The following PTPN14 variants were observed in gnomAD, a reference collection of about 807,000 sequenced individuals.
PTPN14 encodes protein tyrosine phosphatase non-receptor type 14.
PTPN14 carries 53 observed loss-of-function variants against 126.8 expected under a neutral mutation model. The observed-to-expected ratio is 0.42, with a 90% CI of 0.34 to 0.53. The LOEUF is 0.53. Ranked by LOEUF, PTPN14 falls within the 20% of genes least tolerant of loss-of-function variation. The pLI, the probability that PTPN14 is intolerant of heterozygous loss-of-function variation, is 0.08. For synonymous variants in PTPN14, 630 were observed against 599.3 expected (o/e 1.05, Z -0.75); for missense variants, 1,257 against 1,552.9 (o/e 0.81, Z 3.20).
chr1:214,388,077 A>C (rs1260374750), intron 11 of PTPN14, among the ~76,000 whole-genome samples: 2 of 152,216 alleles, frequency 1.3e-5, no homozygotes, highest in Non-Finnish European at 2.9e-5. Flanking sequence ...ATGCTGCGGA[A>C]GAGGGACAAG....
At position 214,471,035 on chromosome 1, in the gene PTPN14, A is replaced by C. The variant is rs528601724; in HGVS notation, c.-154-6078T>G. 5.4e-5 allele frequency among the ~76,000 whole-genome samples: 8 copies of C among 148,152 alleles called. No individual in the cohort carries two copies. The South Asian group carries it at 6.5e-4, about 12-fold the overall frequency. The stretch of plus-strand genomic sequence containing the variant: ...AGCAAAATTCCATCTCAAAAAAAAA[A>C]AAAACAAAACAAAAAAACAACTACA... On this transcript the variant is annotated intron_variant, in intron 1 of 18. Coordinates refer to ENST00000366956, the MANE Select transcript of PTPN14 (RefSeq NM_005401.5).
At chr1:214,443,667 A>C (rs1395168114) in intron 3 of PTPN14, among the ~76,000 whole-genome samples, 1 of 152,114 alleles carries the variant, frequency 6.6e-6, no homozygotes, top group Non-Finnish European at 1.5e-5. Context: ...GTCTAGCGCA[A>C]AGTGAAAATG....
At chr1:214,482,265 TA>T (rs1344635925) in intron 1 of PTPN14, among the ~76,000 whole-genome samples, 1 of 124,912 alleles carries the variant, frequency 8.0e-6, no homozygotes. Context: ...CAGAGGGTTG[TA>T]AAAAAAATTA....
chr1:214,536,161 CG>C (rs1057407698), intron 1 of PTPN14, among the ~76,000 whole-genome samples: 6 of 19,974 alleles, frequency 3.0e-4, no homozygotes, highest in African/African-American at 1.0e-3. Flanking sequence ...AGGCCAAGGC[CG>C]GGGTGGGGTG....
chr1:214,387,674 CA>C (rs67415818), intron 11 of PTPN14, among the ~76,000 whole-genome samples: 223 of 85,322 alleles, frequency 2.6e-3, no homozygotes, highest in Non-Finnish European at 2.8e-3. Flanking sequence ...AAGACTCCGT[CA>C]AAAAAAAAAA....
intron 1 of PTPN14, chr1:214,529,718 T>C (rs960710564): frequency 6.6e-6 from 1 of 152,178 alleles, no homozygotes; most frequent in Non-Finnish European, 1.5e-5. Context: ...ACCCCATCTC[T>C]ACTAAGAATA....
intron 7 of PTPN14, 72 bp downstream of exon 7, chr1:214,401,613 A>G (rs1224137795): frequency 3.0e-6 from 4 of 1,332,892 alleles, no homozygotes; most frequent in African/African-American, 1.5e-5. Context: ...GCCCACTGCT[A>G]TCAACAATGG....
intron 3 of PTPN14, among the ~76,000 whole-genome samples, chr1:214,448,812 G>A (rs938407855): frequency 6.6e-6 from 1 of 152,024 alleles, no homozygotes; most frequent in Non-Finnish European, 1.5e-5. Flanking sequence ...TGTAAGTCTT[G>A]TTCCATTTTT....
intron 2 of PTPN14, among the ~76,000 whole-genome samples, chr1:214,461,398 T>A (rs1487321745): frequency 1.3e-5 from 2 of 151,080 alleles, no homozygotes; most frequent in Admixed American, 6.6e-5. Flanking sequence ...TTTGGGAGGC[T>A]GAGGCGGGAG....
At chr1:214,467,952 G>C (rs887227745) in intron 1 of PTPN14, among the ~76,000 whole-genome samples, 1 of 152,138 alleles carries the variant, frequency 6.6e-6, no homozygotes, top group Non-Finnish European at 1.5e-5. Context: ...GCATGAGGAG[G>C]GGGAGGCCGT....
At chr1:214,376,503 A>G (rs1571958610) in intron 14 of PTPN14, 66 bp from the exon 15 acceptor site, 3 of 1,324,358 alleles carry the variant, frequency 2.3e-6, no homozygotes, top group African/African-American at 2.9e-5. Context: ...AAACAACCAA[A>G]TTTCTTTAAA....
In PTPN14 at chr1:214,516,569, A is replaced by G. The variant is rs1221858303; in HGVS notation, c.-155+34614T>C. Among the ~76,000 whole-genome samples the G allele has an allele frequency of 3.9e-5, 6 of 152,342 alleles. No individual in the cohort carries two copies. The East Asian group carries it at 1.2e-3, about 29-fold the overall frequency. On this transcript the variant is annotated intron_variant, in intron 1 of 18. Coordinates refer to ENST00000366956, the MANE Select transcript of PTPN14 (RefSeq NM_005401.5). ...ATCATTCTTGCCAGATTAGCACCAG[A>G]GCAAAACAAACACAAAATGTGGTTG...
intron 3 of PTPN14, among the ~76,000 whole-genome samples, chr1:214,430,374 T>C (rs1659772181): frequency 2.0e-5 from 3 of 152,236 alleles, no homozygotes; most frequent in Admixed American, 6.5e-5. Flanking sequence ...ACATCTCTTG[T>C]CATGGTTAAT....
chr1:214,529,459 T>C (rs548285779), intron 1 of PTPN14: 7 of 152,400 alleles, frequency 4.6e-5, no homozygotes, highest in Admixed American at 1.3e-4. Context: ...AAGTTGGCTA[T>C]CTATTTGACA....
At chr1:214,505,558 G>C (rs1439158130) in intron 1 of PTPN14, among the ~76,000 whole-genome samples, 1 of 152,188 alleles carries the variant, frequency 6.6e-6, no homozygotes, top group Non-Finnish European at 1.5e-5. Context: ...TTTCTCAAGA[G>C]GCTTAGCTAC....
chr1:214,435,722 G>C (rs1331405190), intron 3 of PTPN14, among the ~76,000 whole-genome samples: 1 of 152,134 alleles, frequency 6.6e-6, no homozygotes, highest in Non-Finnish European at 1.5e-5. Flanking sequence ...ACATCAGTCA[G>C]AATGGCTATT....
intron 3 of PTPN14, among the ~76,000 whole-genome samples, chr1:214,419,837 A>C (rs151326671): frequency 6.6e-6 from 1 of 152,242 alleles, no homozygotes; most frequent in Non-Finnish European, 1.5e-5. Flanking sequence ...CACAGCTGTA[A>C]ATCCAGATAA....
chr1:214,353,943 T>C lies in PTPN14; in HGVS notation c.*3979A>G, dbSNP rs59134396. On this transcript the variant is annotated 3_prime_UTR_variant, in exon 19 of 19. Coordinates refer to ENST00000366956, the MANE Select transcript of PTPN14 (RefSeq NM_005401.5). ...ATTTGCAGAAAATATGGTCCATTAT[T>C]GGAAATTTCATATGGGTCAATCTAT... 0.17 allele frequency: 25,738 copies of C among 152,208 alleles called. 2,362 individuals are homozygous for C. The highest frequency in any genetic ancestry group is 0.25 in the East Asian group (1,317 of 5,176). The allele number at this position is 152,208 out of a possible 1,614,324, so 9.4% of individuals were successfully genotyped here.
At chr1:214,514,279 G>A (rs1255840219) in intron 1 of PTPN14, among the ~76,000 whole-genome samples, 1 of 152,138 alleles carries the variant, frequency 6.6e-6, no homozygotes, top group Non-Finnish European at 1.5e-5. Flanking sequence ...GTGCTTGAAA[G>A]CCCTCAAACG....
Sources: allele counts gnomAD v4.1 joint callset (sites outside exome capture counted in the v4.1 genomes callset), GRCh38; gene constraint gnomAD v4.1.1; transcripts MANE v1.5; gene names NCBI Gene and HGNC (gene_info 2026-07-23, HGNC 2026-07-21).